The following ZNF556 variants were observed in gnomAD, a reference collection of about 807,000 sequenced individuals.
The protein encoded by ZNF556 is zinc finger protein 556.
A neutral mutation model predicts 13.6 loss-of-function variants in ZNF556; 11 were observed. That is an observed-to-expected ratio of 0.81 (90% CI 0.51 to 1.33). The LOEUF is 1.33. Ranked by LOEUF, ZNF556 falls within the 40% of genes most tolerant of loss-of-function variation. The probability of loss-of-function intolerance (pLI) is 0.00; values close to 1 mark genes in which losing one functional copy is unlikely to be tolerated. For missense variants in ZNF556, 633 were observed against 566.2 expected, an observed-to-expected ratio of 1.12 and a Z score of -1.20; for synonymous variants, 229 against 207.8, an observed-to-expected ratio of 1.10 and a Z score of -0.88.
chr19:2,868,637 C>T (rs2087776904), intron 1 of ZNF556, among the ~76,000 whole-genome samples: 1 of 151,384 alleles, frequency 6.6e-6, no homozygotes, highest in South Asian at 2.1e-4. Context: ...AGCTGGTCTC[C>T]AACTCCTGAC....
intron 1 of ZNF556, among the ~76,000 whole-genome samples, chr19:2,868,671 C>T (rs1217815937): frequency 6.6e-6 from 1 of 150,760 alleles, no homozygotes; most frequent in Non-Finnish European, 1.5e-5. Context: ...CCCGCCTTGG[C>T]CTCCCAGAAT....
At chr19:2,875,770 C>T (rs2144890029) in intron 2 of ZNF556, among the ~76,000 whole-genome samples, 1 of 151,632 alleles carries the variant, frequency 6.6e-6, no homozygotes, top group South Asian at 2.1e-4. Context: ...CAAGACCAGC[C>T]TGGCCAATAT....
chr19:2,876,800 G>C (rs528249993), intron 3 of ZNF556, among the ~76,000 whole-genome samples: 2 of 152,134 alleles, frequency 1.3e-5, no homozygotes, highest in Admixed American at 1.3e-4. Context: ...ATGGACTGTG[G>C]TTGAACTATC....
rs150017736 is a variant in ZNF556 at position 2,878,608 on chromosome 19, G to A, written c.*279G>A. 6.2e-3 allele frequency: 1,729 copies of A among 278,268 alleles called. 15 individuals are homozygous for A. Among genetic ancestry groups the A allele is most frequent in the Non-Finnish European group, 9.2e-3 (1,335 of 145,152 alleles). 17.2% of individuals were successfully genotyped at this position (278,268 alleles called of 1,614,324 possible). A position where few individuals can be genotyped will look rare whatever the true frequency, so the allele number is the denominator to read the frequency against. ...GGAGAACGGCGTGAACCCGGGAGGC[G>A]GAGCTTGCAGTGAGCCGAGATGGCA... On this transcript the variant is annotated 3_prime_UTR_variant, in exon 4 of 4. Coordinates refer to ENST00000307635, the MANE Select transcript of ZNF556 (RefSeq NM_024967.3).
rs1568354737 is a variant in ZNF556, at chr19:2,877,668, G to C, written c.710G>C (p.Gly237Ala). 6.2e-7 allele frequency: 1 copy of C among 1,614,196 alleles called. No homozygotes were observed. The highest frequency in any genetic ancestry group is 8.5e-7 in the Non-Finnish European group (1 of 1,180,054). The change falls in exon 4 of 4, where the codon GGG becomes GCG. Residue 237 changes from glycine (G) to alanine (A), a missense_variant. Transcript: ENST00000307635. ...GEKPYECGQCGKGFSCPKSFR... is the reference protein window; with the variant it reads ...GEKPYECGQCAKGFSCPKSFR... ...AAACCCTACGAATGTGGGCAGTGTG[G>C]GAAAGGCTTCAGTTGTCCCAAATCC...
Position 2,878,551 on chromosome 19 carries a change from C to T in ZNF556, c.*222C>T. On this transcript the variant is annotated 3_prime_UTR_variant, in exon 4 of 4. Transcript: ENST00000307635. ...ATTAGCCGGGCGTGGTGGCGGGCAC[C>T]TGTAGTCCCAGCTGCTCAGGAGGCT... 2.6e-6 allele frequency: 1 copy of T among 391,500 alleles called. No homozygotes were observed. Among genetic ancestry groups the T allele is most frequent in the Non-Finnish European group, 4.7e-6 (1 of 214,620 alleles). The allele number at this position is 391,500 out of a possible 1,614,324, so 24.3% of individuals were successfully genotyped here.
At chr19:2,874,340 G>A (rs1367743073) in intron 2 of ZNF556, among the ~76,000 whole-genome samples, 1 of 152,116 alleles carries the variant, frequency 6.6e-6, no homozygotes, top group East Asian at 1.9e-4. Flanking sequence ...GAATACATTG[G>A]TTAATAAGAC....
intron 2 of ZNF556, among the ~76,000 whole-genome samples, chr19:2,874,471 G>A (rs917134631): frequency 4.0e-5 from 6 of 151,528 alleles, no homozygotes; most frequent in East Asian, 2.0e-4. Flanking sequence ...TCAGCCAGGC[G>A]CGGTGGCTCA....
At chr19:2,871,802 C>G (rs547479720) in intron 1 of ZNF556, among the ~76,000 whole-genome samples, 1 of 152,118 alleles carries the variant, frequency 6.6e-6, no homozygotes, top group Non-Finnish European at 1.5e-5. Context: ...ACCACCAAGT[C>G]GCAGAGACCG....
At position 2,883,437 on chromosome 19, in the gene ZNF556, T is replaced by C. The variant is rs971395897; in HGVS notation, c.*5108T>C. ...AGCTTTGTGTTTAATTAAAGGCAAA[T>C]GAAATCCAGTCTGTGTCCATTTTCA... On this transcript the variant is annotated 3_prime_UTR_variant, in exon 4 of 4. Transcript: ENST00000307635. The C allele has an allele frequency of 1.3e-5, 2 of 152,074 alleles. No individual in the cohort carries two copies. Among genetic ancestry groups the C allele is most frequent in the African/African-American group, 2.4e-5 (1 of 41,416 alleles). 9.4% of individuals were successfully genotyped at this position (152,074 alleles called of 1,614,324 possible).
At position 2,877,410 on chromosome 19, in the gene ZNF556, A is replaced by G. The variant is rs1306408781; in HGVS notation, c.452A>G (p.Gln151Arg). ...AGTGTAAGACGGTACGAATGCAGTC[A>G]GTGTGGAAAACTCTTCACCCATTCC... ...CTSVRRYECS[Q>R]CGKLFTHSSS... The change falls in exon 4 of 4, where the codon CAG (glutamine) becomes CGG (arginine). Residue 151 changes from glutamine (Q) to arginine (R), a missense_variant. By Grantham distance (43) the Gln-to-Arg change is conservative. Coordinates refer to ENST00000307635, the MANE Select transcript of ZNF556 (RefSeq NM_024967.3). 1.9e-6 allele frequency: 3 copies of G among 1,614,076 alleles called. No homozygotes were observed. Among genetic ancestry groups the G allele is most frequent in the Non-Finnish European group, 2.5e-6 (3 of 1,180,044 alleles).
At chr19:2,874,150 G>A (rs573001472) in intron 2 of ZNF556, among the ~76,000 whole-genome samples, 13 of 152,064 alleles carry the variant, frequency 8.5e-5, no homozygotes, top group South Asian at 2.1e-4. Context: ...CCAGCTACTC[G>A]GGAGGCTGAG....
rs775060973 is a variant in ZNF556 at position 2,877,365 on chromosome 19, T to A, written c.407T>A (p.Leu136Gln). 9 of 1,614,204 alleles carry A rather than the reference T, an allele frequency of 5.6e-6. No homozygotes were observed. In the South Asian group the frequency reaches 9.9e-5, roughly 18 times the overall value. The change falls in exon 4 of 4, where the codon CTG (leucine) becomes CAG (glutamine). Residue 136 changes from leucine to glutamine, a missense_variant. Coordinates refer to ENST00000307635, the MANE Select transcript of ZNF556 (RefSeq NM_024967.3). Reference protein sequence around the residue: ...FRKTRNCNRHLRKNCCTSVRR... With the variant: ...FRKTRNCNRHQRKNCCTSVRR... ...AAGACTCGAAATTGTAATCGTCATCTGCGCAAGAATTGTTGTACTAGTGTA... is the reference window on the plus strand; with the variant it reads ...AAGACTCGAAATTGTAATCGTCATCAGCGCAAGAATTGTTGTACTAGTGTA...
intron 3 of ZNF556, among the ~76,000 whole-genome samples, chr19:2,876,845 A>C (rs1382317691): frequency 6.6e-6 from 1 of 152,206 alleles, no homozygotes. Flanking sequence ...GTTTGAAATA[A>C]TTTCAACAGT....
rs775889502 is a variant in ZNF556 at position 2,877,791 on chromosome 19, T to G, written c.833T>G (p.Met278Arg). The G allele has an allele frequency of 6.2e-7, 1 of 1,613,682 alleles. No individual in the cohort carries two copies. Among genetic ancestry groups the G allele is most frequent in the Non-Finnish European group, 8.5e-7 (1 of 1,179,874 alleles). Residue 278 changes from methionine to arginine, a missense_variant, in exon 4 of 4, where the codon ATG becomes AGG. By Grantham distance (91) the Met-to-Arg change is moderately conservative. Transcript: ENST00000307635. Reference protein sequence around the residue: ...FRCQKSFRVHMIMHAGGRPYE... With the variant: ...FRCQKSFRVHRIMHAGGRPYE... Reference sequence around the variant, plus strand: ...TGTCAGAAATCCTTTCGAGTCCATATGATCATGCACGCCGGAGGGAGACCG... The same window carrying G: ...TGTCAGAAATCCTTTCGAGTCCATAGGATCATGCACGCCGGAGGGAGACCG...
intron 2 of ZNF556, among the ~76,000 whole-genome samples, chr19:2,874,015 G>T (rs1008830392): frequency 6.6e-6 from 1 of 150,794 alleles, no homozygotes; most frequent in Non-Finnish European, 1.5e-5. Context: ...TCAGCACTTT[G>T]GGAGGCCAAG....
chr19:2,876,327 T>A, intron 3 of ZNF556, 51 bp downstream of exon 3: 5 of 1,512,168 alleles, frequency 3.3e-6, no homozygotes, highest in South Asian at 2.7e-5. Flanking sequence ...CGGTGGCTCA[T>A]GCCTGTAATC....
intron 1 of ZNF556, among the ~76,000 whole-genome samples, chr19:2,872,638 G>A (rs1276035269): frequency 3.9e-5 from 6 of 151,920 alleles, no homozygotes; most frequent in South Asian, 2.1e-4. Flanking sequence ...TCATGTCCTC[G>A]GTCTCTTGCC....
rs973137069 is a variant in ZNF556, at chr19:2,880,175, C to G, written c.*1846C>G. The G allele has an allele frequency of 3.3e-5, 5 of 152,124 alleles. No homozygotes were observed. The highest frequency in any genetic ancestry group is 7.3e-5 in the Non-Finnish European group (5 of 68,028). The allele number at this position is 152,124 out of a possible 1,614,324, so 9.4% of individuals were successfully genotyped here. A position where few individuals can be genotyped will look rare whatever the true frequency, so the allele number is the denominator to read the frequency against. ...ACAATACTGGCTTATCAGGTAAACT[C>G]TGGAAATTTCCTGTCACATAGAGCT... On this transcript the variant is annotated 3_prime_UTR_variant, in exon 4 of 4. Coordinates refer to ENST00000307635, the MANE Select transcript of ZNF556 (RefSeq NM_024967.3).
Sources: allele counts gnomAD v4.1 joint callset (sites outside exome capture counted in the v4.1 genomes callset), GRCh38; gene constraint gnomAD v4.1.1; transcripts MANE v1.5; gene names NCBI Gene and HGNC (gene_info 2026-07-23, HGNC 2026-07-21).